The following THSD7B variants were observed in gnomAD, a reference collection of about 807,000 sequenced individuals.
THSD7B encodes the protein thrombospondin type-1 domain-containing protein 7B.
In THSD7B, 138 loss-of-function variants were observed where a neutral mutation model predicts 213.6. That is an observed-to-expected ratio of 0.65 (90% confidence interval 0.56 to 0.74). The LOEUF is 0.74. THSD7B is among the 30% of genes least tolerant of loss of function. THSD7B has a pLI of 0.00. For missense variants in THSD7B, 1,931 were observed against 1,991.5 expected (o/e 0.97, Z 0.58); for synonymous variants, 742 against 687.0 (o/e 1.08, Z -1.25).
intron 14 of THSD7B, among the ~76,000 whole-genome samples, chr2:137,412,479 A>C (rs11893127): frequency 6.8e-6 from 1 of 146,372 alleles, no homozygotes; most frequent in African/African-American, 2.5e-5. Flanking sequence ...GCATGCCTGT[A>C]ATCCCAGCTA....
At chr2:137,133,975 G>C (rs1688786320) in intron 5 of THSD7B, among the ~76,000 whole-genome samples, 1 of 152,148 alleles carries the variant, frequency 6.6e-6, no homozygotes, top group African/African-American at 2.4e-5. Context: ...TAGATCTGAA[G>C]ATTTTGATCT....
At chr2:137,157,009 A>G (rs778303546) in intron 5 of THSD7B, among the ~76,000 whole-genome samples, 1 of 152,150 alleles carries the variant, frequency 6.6e-6, no homozygotes, top group African/African-American at 2.4e-5. Context: ...ACCCATATAC[A>G]ATTAATATGA....
At chr2:136,866,027 A>G (rs1000356962) in intron 1 of THSD7B, among the ~76,000 whole-genome samples, 2 of 152,218 alleles carry the variant, frequency 1.3e-5, no homozygotes, top group Admixed American at 6.5e-5. Context: ...ATTCCATGAG[A>G]GGATGATTTG....
intron 5 of THSD7B, among the ~76,000 whole-genome samples, chr2:137,132,274 T>C (rs1688748430): frequency 1.3e-5 from 2 of 151,542 alleles, no homozygotes; most frequent in South Asian, 2.1e-4. Context: ...CTTAAGGAGA[T>C]TTTAGGCTGA....
intron 10 of THSD7B, among the ~76,000 whole-genome samples, chr2:137,266,124 T>C (rs532110406): frequency 6.6e-6 from 1 of 152,238 alleles, no homozygotes; most frequent in Admixed American, 6.5e-5. Flanking sequence ...ACTTCTTCTA[T>C]TTTTTAAAAT....
chr2:137,183,015 G>T (rs530488070), intron 7 of THSD7B, among the ~76,000 whole-genome samples: 3 of 151,962 alleles, frequency 2.0e-5, no homozygotes, highest in East Asian at 1.9e-4. Context: ...CTTTCATTTT[G>T]TGTAAAAAAA....
intron 15 of THSD7B, among the ~76,000 whole-genome samples, chr2:137,493,944 A>G (rs1679498553): frequency 1.3e-5 from 2 of 152,162 alleles, no homozygotes; most frequent in African/African-American, 4.8e-5. Context: ...CTATTTTTAT[A>G]TGAAATCAGC....
At chr2:137,326,127 A>G (rs573960783) in intron 12 of THSD7B, among the ~76,000 whole-genome samples, 29 of 152,280 alleles carry the variant, frequency 1.9e-4, no homozygotes, top group African/African-American at 7.0e-4. Flanking sequence ...GGATATTTTA[A>G]GGGGAATTAT....
chr2:137,494,395 G>C (rs1679511527), intron 15 of THSD7B, among the ~76,000 whole-genome samples: 1 of 152,052 alleles, frequency 6.6e-6, no homozygotes, highest in African/African-American at 2.4e-5. Context: ...TTTATTGCCA[G>C]ATTTTTTTCT....
In THSD7B at chr2:137,644,478, G is replaced by T. The variant is rs78278344; in HGVS notation, c.3945+1845G>T. ...CAGAAGCAAAAAGCCCACCGAAAAT[G>T]ACATAAAGTAAAGCAGAGGTGCAAG... On this transcript the variant is annotated intron_variant, in intron 21 of 27. Coordinates refer to ENST00000409968, the MANE Select transcript of THSD7B (RefSeq NM_001316349.2). Among the ~76,000 whole-genome samples the T allele has an allele frequency of 4.1e-3, 626 of 152,150 alleles. 6 individuals are homozygous for T. The highest frequency in any genetic ancestry group is 0.014 in the African/African-American group (599 of 41,522).
intron 1 of THSD7B, among the ~76,000 whole-genome samples, chr2:136,779,196 ATATGTGTGTGTGTGTGTGTGTGTG>A (rs748135614): frequency 7.4e-6 from 1 of 134,288 alleles, no homozygotes; most frequent in South Asian, 2.5e-4. Flanking sequence ...CTATATATAT[ATATGTGTGTGTGTGTGTGTGTGTG>A]TGTGTGTGTG....
intron 6 of THSD7B, among the ~76,000 whole-genome samples, chr2:137,164,077 T>C (rs1680071184): frequency 6.6e-6 from 1 of 152,074 alleles, no homozygotes; most frequent in Non-Finnish European, 1.5e-5. Context: ...ATTGAGCAGA[T>C]GCAGGAGACA....
chr2:136,959,908 A>T (rs1685188220), intron 2 of THSD7B, among the ~76,000 whole-genome samples: 1 of 152,230 alleles, frequency 6.6e-6, no homozygotes, highest in South Asian at 2.1e-4. Flanking sequence ...AAGGACCAGG[A>T]CACTTGACTG....
chr2:137,660,977 G>A (rs866875294), intron 25 of THSD7B, among the ~76,000 whole-genome samples: 3 of 152,108 alleles, frequency 2.0e-5, no homozygotes, highest in South Asian at 2.1e-4. Context: ...AAAATCATGT[G>A]TTCAGTCAAT....
At chr2:136,969,787 T>C (rs1255135547) in intron 2 of THSD7B, among the ~76,000 whole-genome samples, 1 of 152,166 alleles carries the variant, frequency 6.6e-6, no homozygotes, top group East Asian at 1.9e-4. Context: ...CTCCCTAAAA[T>C]GTTACCACTT....
intron 2 of THSD7B, among the ~76,000 whole-genome samples, chr2:136,897,272 T>C (rs1448847872): frequency 6.6e-6 from 1 of 152,114 alleles, no homozygotes; most frequent in Non-Finnish European, 1.5e-5. Context: ...ACCTGCATGG[T>C]GAGTGTTGCA....
chr2:137,371,660 G>GAT (rs1685537130), intron 12 of THSD7B, among the ~76,000 whole-genome samples: 2 of 152,012 alleles, frequency 1.3e-5, no homozygotes, highest in Non-Finnish European at 2.9e-5. Flanking sequence ...AAACTTCCTA[G>GAT]ATATATTTTT....
chr2:137,227,209 A>G (rs987604604), intron 7 of THSD7B, among the ~76,000 whole-genome samples: 1 of 152,192 alleles, frequency 6.6e-6, no homozygotes, highest in African/African-American at 2.4e-5. Flanking sequence ...TGTGAATTTC[A>G]TCACATTAAA....
intron 12 of THSD7B, among the ~76,000 whole-genome samples, chr2:137,316,690 G>A (rs374412969): frequency 2.5e-4 from 38 of 151,416 alleles, no homozygotes; most frequent in Non-Finnish European, 4.6e-4. Flanking sequence ...CCCTGGAGGC[G>A]GAGCTTGCAG....
Sources: gnomAD v4.1 joint callset for allele counts (sites outside exome capture counted in the v4.1 genomes callset) on GRCh38, gnomAD v4.1.1 for gene constraint, MANE v1.5 for transcripts, NCBI Gene and HGNC (gene_info 2026-07-23, HGNC 2026-07-21) for gene names.